The following SLC9A8 variants were observed in gnomAD, a reference collection of about 807,000 sequenced individuals.
The protein encoded by SLC9A8 is sodium/hydrogen exchanger 8.
SLC9A8 carries 48 observed loss-of-function variants against 66.6 expected under a neutral mutation model. The ratio of observed to expected loss-of-function variants is 0.72; its 90% CI spans 0.57 to 0.92. The LOEUF (loss-of-function observed/expected upper bound fraction) is 0.92. SLC9A8 is among the 40% of genes least tolerant of loss of function. The pLI, the probability that SLC9A8 is intolerant of heterozygous loss-of-function variation, is 0.00. For missense variants in SLC9A8, 599 were observed against 747.3 expected, an observed-to-expected ratio of 0.80 and a Z score of 2.31; for synonymous variants, 274 against 282.6, an observed-to-expected ratio of 0.97 and a Z score of 0.31.
At chr20:49,860,738 T>TAAA (rs952065623) in intron 8 of SLC9A8, among the ~76,000 whole-genome samples, 3 of 151,970 alleles carry the variant, frequency 2.0e-5, no homozygotes, top group Non-Finnish European at 4.4e-5. Flanking sequence ...ATAATAATAA[T>TAAA]AAAATGATAT....
rs189400971 is a variant in SLC9A8, at chr20:49,876,715, C to T, written c.1076-1266C>T. On this transcript the variant is annotated intron_variant, in intron 11 of 15. Coordinates refer to ENST00000361573, the MANE Select transcript of SLC9A8 (RefSeq NM_015266.3). Reference sequence around the variant, plus strand: ...ACACCTTCATTAGCAAGGGTCCCAACTGTGGCAAAGTGGCAGAAATTCAGA... The same window carrying T: ...ACACCTTCATTAGCAAGGGTCCCAATTGTGGCAAAGTGGCAGAAATTCAGA... Among the ~76,000 whole-genome samples, 952 of 152,304 alleles carry T rather than the reference C, an allele frequency of 6.3e-3. 4 individuals carry two copies. The highest frequency in any genetic ancestry group is 0.031 in the Middle Eastern group (9 of 294).
At chr20:49,887,027 C>T (rs937409519) in intron 15 of SLC9A8, 129 bp downstream of exon 15, 97 of 1,014,862 alleles carry the variant, frequency 9.6e-5, no homozygotes, top group Admixed American at 2.1e-4. Context: ...GCCAGGCCGC[C>T]GCCTCCCGAT....
Position 49,823,182 on chromosome 20 carries a change from A to G in SLC9A8, c.289+41A>G, listed in dbSNP as rs139562838. The G allele has an allele frequency of 6.0e-4, 884 of 1,478,146 alleles. 9 individuals carry two copies. In the East Asian group the frequency reaches 0.016, roughly 27 times the overall value. The allele number at this position is 1,478,146 out of a possible 1,614,324, so 91.6% of individuals were successfully genotyped here. On this transcript the variant is annotated intron_variant, in intron 3 of 15. Coordinates refer to ENST00000361573, the MANE Select transcript of SLC9A8 (RefSeq NM_015266.3). ...TGATTCCATAATAAAAGCAGTAACA[A>G]TAACTACCATTTTTTGAGTGCCTCT...
At chr20:49,848,134 G>A (rs1364270647) in intron 5 of SLC9A8, among the ~76,000 whole-genome samples, 2 of 151,984 alleles carry the variant, frequency 1.3e-5, no homozygotes, top group African/African-American at 4.8e-5. Flanking sequence ...ATGTTGGTCA[G>A]GTTGGTCTCG....
chr20:49,842,011 A>C (rs192087396), intron 4 of SLC9A8, among the ~76,000 whole-genome samples: 2 of 151,844 alleles, frequency 1.3e-5, no homozygotes, highest in Admixed American at 1.3e-4. Context: ...AAGTGTTAGG[A>C]TTACAGGATT....
At chr20:49,884,634 C>T (rs2089824327) in intron 14 of SLC9A8, among the ~76,000 whole-genome samples, 2 of 152,172 alleles carry the variant, frequency 1.3e-5, no homozygotes. Flanking sequence ...TGTTGGGGGC[C>T]TGAGGAGGGG....
At chr20:49,881,764 T>C (rs576001852) in intron 13 of SLC9A8, among the ~76,000 whole-genome samples, 316 of 152,346 alleles carry the variant, frequency 2.1e-3, no homozygotes, top group Non-Finnish European at 2.8e-3. Flanking sequence ...TTCATATATA[T>C]GTACGTATGT....
At position 49,874,799 on chromosome 20, in the gene SLC9A8, C is replaced by T; in HGVS notation, c.1053C>T (p.Leu351=). ...CCCAGATCCTCATGCAGCAGACCCT[C>T]CGCACCGTGGCCTTCTTATGTGGTG... is the stretch of plus-strand genomic sequence containing the variant. ...PVTQILMQQT[L]RTVAFLCETC... The change falls in exon 11 of 16, where the codon CTC becomes CTT. Residue 351 remains leucine, a synonymous_variant. Coordinates refer to ENST00000361573, the MANE Select transcript of SLC9A8 (RefSeq NM_015266.3). 6.2e-7 allele frequency: 1 copy of T among 1,613,220 alleles called. No individual in the cohort carries two copies. The highest frequency in any genetic ancestry group is 8.5e-7 in the Non-Finnish European group (1 of 1,179,108).
chr20:49,872,802 A>T (rs1002940924), intron 10 of SLC9A8, among the ~76,000 whole-genome samples: 5 of 152,186 alleles, frequency 3.3e-5, no homozygotes, highest in African/African-American at 1.2e-4. Context: ...ACCCTTTTAT[A>T]CGTGGAAAGT....
In SLC9A8 at chr20:49,825,126, G is replaced by T. The variant is rs117079298; in HGVS notation, c.289+1985G>T. On this transcript the variant is annotated intron_variant, in intron 3 of 15. Coordinates refer to ENST00000361573, the MANE Select transcript of SLC9A8 (RefSeq NM_015266.3). ...ATCCCAGATTATTGATAGCATTGTT[G>T]CTTTGTTGAGTTGATAGCCCTGAAA... Among the ~76,000 whole-genome samples the T allele has an allele frequency of 4.5e-3, 690 of 152,216 alleles. 3 individuals are homozygous for T. The highest frequency in any genetic ancestry group is 6.2e-3 in the Non-Finnish European group (424 of 68,008).
Position 49,855,537 on chromosome 20 carries a change from T to C in SLC9A8, c.669T>C (p.Phe223=), listed in dbSNP as rs756960179. 39 of 1,614,104 alleles carry C rather than the reference T, an allele frequency of 2.4e-5. No individual in the cohort carries two copies. Among genetic ancestry groups the C allele is most frequent in the African/African-American group, 1.3e-5 (1 of 74,928 alleles). Residue 223 remains phenylalanine, a synonymous_variant, in exon 8 of 16, where the codon TTT becomes TTC. Transcript: ENST00000361573. The part of the protein sequence containing the change: ...HVDPVLNMLV[F]GESILNDAVS... ...ACCCCGTGCTCAACATGCTGGTCTT[T>C]GGAGAAAGTATTCTCAACGATGCAG...
chr20:49,883,049 T>C (rs2089692276), intron 13 of SLC9A8, among the ~76,000 whole-genome samples: 1 of 123,470 alleles, frequency 8.1e-6, no homozygotes, highest in African/African-American at 3.1e-5. Flanking sequence ...CCAGGTAGCA[T>C]TTCACACCCC....
Position 49,886,641 on chromosome 20 carries a change from G to C in SLC9A8, c.1492-111G>C. ...CCCGTCACCCTGCATTGATGGTCAA[G>C]TGGAGTTAGGGTTGGGGACACTGGC... On this transcript the variant is annotated intron_variant, in intron 14 of 15. Transcript: ENST00000361573. The surrounding 1 kb of genome is among the most constrained non-coding windows in gnomAD (Gnocchi z 4.8). The C allele has an allele frequency of 7.8e-7, 1 of 1,284,850 alleles. No individual in the cohort carries two copies. The highest frequency in any genetic ancestry group is 1.1e-6 in the Non-Finnish European group (1 of 927,224). The allele number at this position is 1,284,850 out of a possible 1,614,324, so 79.6% of individuals were successfully genotyped here.
intron 3 of SLC9A8, among the ~76,000 whole-genome samples, chr20:49,824,982 A>G (rs1411851660): frequency 1.3e-5 from 2 of 152,128 alleles, no homozygotes; most frequent in African/African-American, 4.8e-5. Flanking sequence ...TTTCCCCTTC[A>G]TTTCTTTGAT....
chr20:49,867,809 G>A (rs755802621), intron 10 of SLC9A8, among the ~76,000 whole-genome samples: 13 of 152,214 alleles, frequency 8.5e-5, no homozygotes, highest in Non-Finnish European at 1.2e-4. Flanking sequence ...ACAGTGTTCT[G>A]TGTAGCAGTA....
chr20:49,839,430 A>C, intron 3 of SLC9A8, 111 bp from the exon 4 acceptor site: 1 of 605,376 alleles, frequency 1.7e-6, no homozygotes, highest in Middle Eastern at 4.7e-4. Flanking sequence ...CTGTGCCCCA[A>C]CCACCTTGGG....
intron 10 of SLC9A8, among the ~76,000 whole-genome samples, chr20:49,867,309 G>C (rs911056221): frequency 3.9e-5 from 6 of 152,102 alleles, no homozygotes; most frequent in African/African-American, 1.4e-4. Context: ...ACGTATCTAA[G>C]TCTCTTGACA....
At chr20:49,815,553 T>C (rs1377986147) in intron 2 of SLC9A8, 3 of 165,436 alleles carry the variant, frequency 1.8e-5, no homozygotes, top group Non-Finnish European at 3.9e-5. Flanking sequence ...AAGACCAGCC[T>C]GGCCAACATG....
chr20:49,873,771 CAAA>C (rs35613935), intron 10 of SLC9A8, among the ~76,000 whole-genome samples: 5 of 60,250 alleles, frequency 8.3e-5, no homozygotes, highest in Admixed American at 2.0e-4. Context: ...AACTCCGTCT[CAAA>C]AAAAAAAAAA....
Sources: allele counts gnomAD v4.1 joint callset (sites outside exome capture counted in the v4.1 genomes callset), GRCh38; gene constraint gnomAD v4.1.1; non-coding constraint Gnocchi (gnomAD v3.1); transcripts MANE v1.5; gene names NCBI Gene and HGNC (gene_info 2026-07-23, HGNC 2026-07-21).